BIN2: variants seen among roughly 807,000 people sequenced by gnomAD.
BIN2 encodes breast cancer associated protein BRAP1.
Under a neutral mutation model 67.9 loss-of-function variants are expected in BIN2, and 43 were observed. The ratio of observed to expected loss-of-function variants is 0.63; its 90% confidence interval spans 0.50 to 0.82. BIN2 has a LOEUF of 0.82. BIN2 is among the 40% of genes least tolerant of loss of function. The pLI is 0.00. For missense variants in BIN2, 581 were observed against 671.6 expected, an observed-to-expected ratio of 0.87 and a Z score of 1.49; for synonymous variants, 244 against 246.8, an observed-to-expected ratio of 0.99 and a Z score of 0.11.
chr12:51,302,625 T>G, intron 4 of BIN2, 61 bp downstream of exon 4: 4 of 1,375,554 alleles, frequency 2.9e-6, no homozygotes, highest in Non-Finnish European at 4.1e-6. Context: ...GAAGCTAAGC[T>G]GAGGTTGAGA....
intron 2 of BIN2, among the ~76,000 whole-genome samples, chr12:51,312,340 T>C (rs1329233912): frequency 6.6e-6 from 1 of 152,242 alleles, no homozygotes; most frequent in African/African-American, 2.4e-5. Flanking sequence ...ACCCTTATTA[T>C]TGATCTTTGT....
chr12:51,319,326 T>C (rs1405024447), intron 1 of BIN2, among the ~76,000 whole-genome samples: 1 of 152,090 alleles, frequency 6.6e-6, no homozygotes, highest in Admixed American at 6.6e-5. Flanking sequence ...AGTGAAAAGG[T>C]GTTACCACCC....
rs190268026 is a variant in BIN2 at position 51,303,369 on chromosome 12, G to A, written c.163-228C>T. ...TTGCTAAAGCTCCCATTACACTGGC[G>A]TCTTCCTTTCAGTGAACAAGAGCCT... On this transcript the variant is annotated intron_variant, in intron 2 of 12. Coordinates refer to ENST00000615107, the MANE Select transcript of BIN2 (RefSeq NM_016293.4). Among the ~76,000 whole-genome samples, 766 of 152,216 alleles carry A rather than the reference G, an allele frequency of 5.0e-3. 4 individuals are homozygous for A. Among genetic ancestry groups the A allele is most frequent in the Non-Finnish European group, 6.6e-3 (449 of 68,012 alleles).
At chr12:51,283,150 A>T (rs991245913) in intron 12 of BIN2, among the ~76,000 whole-genome samples, 1 of 151,184 alleles carries the variant, frequency 6.6e-6, no homozygotes, top group African/African-American at 2.4e-5. Context: ...CCAGCTACTC[A>T]GGAGGCTGAG....
At chr12:51,304,188 T>A (rs1028248569) in intron 2 of BIN2, 3 of 152,308 alleles carry the variant, frequency 2.0e-5, no homozygotes, top group Non-Finnish European at 4.4e-5. Context: ...AAGACTGCAG[T>A]GAGCTGAGAT....
At chr12:51,324,305 G>A (rs1565696075), upstream of BIN2, 42 of 1,369,546 alleles carry the variant, frequency 3.1e-5, no homozygotes, top group Non-Finnish European at 3.7e-5. Context: ...GGGCGGGCCC[G>A]GGGCCTACCC....
At chr12:51,289,261 T>C (rs750961013) in intron 10 of BIN2, among the ~76,000 whole-genome samples, 2 of 152,166 alleles carry the variant, frequency 1.3e-5, no homozygotes, top group East Asian at 3.9e-4. Flanking sequence ...CTCTGCCCTC[T>C]GGAGTGTCAC....
intron 2 of BIN2, among the ~76,000 whole-genome samples, chr12:51,311,944 G>C (rs1946007838): frequency 6.6e-6 from 1 of 151,966 alleles, no homozygotes; most frequent in Admixed American, 6.6e-5. Flanking sequence ...GCTAATTTTT[G>C]TATTTTTAGT....
chr12:51,321,627 G>A (rs978701884), intron 1 of BIN2, among the ~76,000 whole-genome samples: 36 of 152,124 alleles, frequency 2.4e-4, no homozygotes, highest in African/African-American at 8.0e-4. Flanking sequence ...TCGAACTCCC[G>A]ACCTCAGGAG....
Position 51,291,997 on chromosome 12 carries a change from G to A in BIN2, c.1109C>T (p.Pro370Leu). 6.2e-7 allele frequency: 1 copy of A among 1,614,230 alleles called. No homozygotes were observed. Among genetic ancestry groups the A allele is most frequent in the Non-Finnish European group, 8.5e-7 (1 of 1,180,050 alleles). The change falls in exon 10 of 13, where the codon CCA (proline) becomes CTA (leucine). Residue 370 changes from proline (P) to leucine (L), a missense_variant. Physicochemically the swap from Pro to Leu is moderately conservative, Grantham distance 98 (BLOSUM62 -3). Coordinates refer to ENST00000615107, the MANE Select transcript of BIN2 (RefSeq NM_016293.4). ...CCCTGAAGGGCTCAGGGCTCCGCCT[G>A]GTGATGGAGTTGTGGAGCTGGGGAG... ...EVLPSSTTPS[P>L]GGALSPSGQP...
chr12:51,283,024 AG>A (rs1945150286), intron 12 of BIN2, among the ~76,000 whole-genome samples: 2 of 151,340 alleles, frequency 1.3e-5, no homozygotes, highest in Non-Finnish European at 2.9e-5. Flanking sequence ...TGGGAGGCTG[AG>A]GCGGGAGGAT....
intron 7 of BIN2, 180 bp from the exon 8 acceptor site, chr12:51,297,344 G>A (rs571147611): frequency 3.5e-5 from 18 of 517,386 alleles, no homozygotes; most frequent in Non-Finnish European, 4.8e-5. Flanking sequence ...CAAGGTGGGC[G>A]TATCATGAAG....
At chr12:51,302,173 C>G (rs1213835327) in intron 4 of BIN2, 58 bp from the exon 5 acceptor site, 2 of 1,296,454 alleles carry the variant, frequency 1.5e-6, no homozygotes, top group Non-Finnish European at 2.2e-6. Flanking sequence ...AACTGCCTAC[C>G]AGGGAAATAC....
intron 1 of BIN2, among the ~76,000 whole-genome samples, chr12:51,321,495 G>T (rs1043282174): frequency 6.6e-6 from 1 of 152,038 alleles, no homozygotes. Context: ...CGCCTCCCAG[G>T]TTCAAGCGAT....
At chr12:51,310,003 G>A (rs1411561024) in intron 2 of BIN2, among the ~76,000 whole-genome samples, 2 of 152,180 alleles carry the variant, frequency 1.3e-5, no homozygotes, top group Non-Finnish European at 2.9e-5. Flanking sequence ...GCCTCCTAGT[G>A]AGGCACAGTG....
rs369691754 is a variant in BIN2 at position 51,292,058 on chromosome 12, G to C, written c.1048C>G (p.Pro350Ala). The C allele has an allele frequency of 3.6e-5, 58 of 1,614,050 alleles. No individual in the cohort carries two copies. The highest frequency in any genetic ancestry group is 1.6e-4 in the Middle Eastern group (1 of 6,084). Residue 350 changes from proline (P) to alanine (A), a missense_variant, in exon 10 of 13, where the codon CCT becomes GCT. By Grantham distance (27) the Pro-to-Ala change is conservative (BLOSUM62 -1). Transcript: ENST00000615107. ...TGGGACTTGGCCCTTTCAGTGGTAG[G>C]AGAGGGCTGGGCCTGGGCGGGGCCA... ...CNGPAQAQPS[P>A]TTERAKSQEE...
In BIN2 at chr12:51,324,031, G is replaced by C. The variant is rs761006815; in HGVS notation, c.72C>G (p.Ala24=). Residue 24 remains alanine, a synonymous_variant, in exon 1 of 13, where the codon GCC becomes GCG. Coordinates refer to ENST00000615107, the MANE Select transcript of BIN2 (RefSeq NM_016293.4). ...AGGCCCGGCCACCTACCTTCTCCTG[G>C]GCCCTGCTAAACTTCTTCTGCACCT... ...AKQVQKKFSR[A]QEKVLQKLGK... 6 of 1,613,372 alleles carry C rather than the reference G, an allele frequency of 3.7e-6. No homozygotes were observed. The highest frequency in any genetic ancestry group is 5.1e-6 in the Non-Finnish European group (6 of 1,179,700).
intron 1 of BIN2, among the ~76,000 whole-genome samples, chr12:51,320,936 A>ACACACACACACACACACACACAC (rs1031506424): frequency 0.028 from 3,833 of 138,532 alleles, 200 homozygotes; most frequent in African/African-American, 0.035. Context: ...TCATACTAAA[A>ACACACACACACACACACACACAC]ACACACACAC....
rs1014276517 is a variant in BIN2 at position 51,299,354 on chromosome 12, T to C, written c.517-66A>G. ...AACCCAGTACTACAGCATGCCTCCT[T>C]CATCCTCTGCATTTTTTTAGGCACT... On this transcript the variant is annotated intron_variant, in intron 6 of 12. Transcript: ENST00000615107. The C allele has an allele frequency of 2.2e-5, 32 of 1,458,460 alleles. No individual in the cohort carries two copies. In the Admixed American group the frequency reaches 5.3e-4, roughly 24 times the overall value. 90.3% of individuals were successfully genotyped at this position (1,458,460 alleles called of 1,614,324 possible).
Sources: gnomAD v4.1 joint callset for allele counts (sites outside exome capture counted in the v4.1 genomes callset) on GRCh38, gnomAD v4.1.1 for gene constraint, MANE v1.5 for transcripts, NCBI Gene and HGNC (gene_info 2026-07-23, HGNC 2026-07-21) for gene names.